CNGA4: variants seen among roughly 807,000 people sequenced by gnomAD.
The protein encoded by CNGA4 is cyclic nucleotide gated channel subunit alpha 4, also known as cyclic nucleotide-gated channel alpha-4.
Under a neutral mutation model 45.6 loss-of-function variants are expected in CNGA4, and 32 were observed. The ratio of observed to expected loss-of-function variants is 0.70; its 90% CI spans 0.53 to 0.94. The LOEUF is 0.94. CNGA4 is among the 40% of genes least tolerant of loss of function. CNGA4 has a pLI of 0.00. For synonymous variants in CNGA4, 293 were observed against 304.6 expected (o/e 0.96, Z 0.40); for missense variants, 726 against 755.1 (o/e 0.96, Z 0.45).
In CNGA4 at chr11:6,240,705, T is replaced by G; in HGVS notation, c.911T>G (p.Ile304Ser). 1.2e-6 allele frequency: 2 copies of G among 1,611,804 alleles called. No homozygotes were observed. The highest frequency in any genetic ancestry group is 1.7e-6 in the Non-Finnish European group (2 of 1,178,322). ...HVNRKLERRV[I>S]DWYQHLQINK... The stretch of plus-strand genomic sequence containing the variant: ...AACCGCAAGCTGGAGCGGCGAGTTA[T>G]TGACTGGTGAGAAGGCGGGGTTCCA... Residue 304 changes from isoleucine (I) to serine (S), a missense_variant, in exon 4 of 6, where the codon ATT (isoleucine) becomes AGT (serine). Physicochemically the swap from Ile to Ser is moderately radical, Grantham distance 142. Coordinates refer to ENST00000379936, the MANE Select transcript of CNGA4 (RefSeq NM_001037329.4). This position sits in a 1 kb window ranked among gnomAD's most constrained non-coding sequence, Gnocchi z 4.9.
In CNGA4 at chr11:6,240,023, T is replaced by C. The variant is rs771106065; in HGVS notation, c.272-43T>C. ...TGGGCAGCTCATGCTCAGCCCAAGC[T>C]TGACTACAGCAGGTCCGCTTCCTAC... On this transcript the variant is annotated intron_variant, in intron 3 of 5. Transcript: ENST00000379936. This position sits in a 1 kb window ranked among gnomAD's most constrained non-coding sequence, Gnocchi z 4.9. The C allele has an allele frequency of 3.2e-6, 5 of 1,568,294 alleles. No individual in the cohort carries two copies. In the East Asian group the frequency reaches 9.0e-5, roughly 28 times the overall value.
At position 6,240,809 on chromosome 11, in the gene CNGA4, G is replaced by C; in HGVS notation, c.917+98G>C. The C allele has an allele frequency of 7.0e-7, 1 of 1,435,506 alleles. No homozygotes were observed. Among genetic ancestry groups the C allele is most frequent in the East Asian group, 2.3e-5 (1 of 43,560 alleles). The allele number at this position is 1,435,506 out of a possible 1,614,324, so 88.9% of individuals were successfully genotyped here. On this transcript the variant is annotated intron_variant, in intron 4 of 5. Coordinates refer to ENST00000379936, the MANE Select transcript of CNGA4 (RefSeq NM_001037329.4). This position sits in a 1 kb window ranked among gnomAD's most constrained non-coding sequence, Gnocchi z 4.9. ...CTTAGTGCCTGGTGAGCCAGGCAAG[G>C]CTGTCAAAATGTAGCATTCAGCCGT...
At chr11:6,244,585 TACAC>T (rs59621297), downstream of CNGA4, among the ~76,000 whole-genome samples, 36,758 of 141,274 alleles carry the variant, frequency 0.26, 4,836 homozygotes, top group African/African-American at 0.34. The surrounding 1 kb of genome is among the most constrained non-coding windows in gnomAD (Gnocchi z 4.5). Flanking sequence ...CACTTACCAG[TACAC>T]ACACACACAC....
chr11:6,235,066 G>A (rs923729120), upstream of CNGA4, among the ~76,000 whole-genome samples: 23 of 152,336 alleles, frequency 1.5e-4, no homozygotes, highest in African/African-American at 4.3e-4. Context: ...AGAAAGACGA[G>A]CGAGAAAGGG....
upstream of CNGA4, among the ~76,000 whole-genome samples, chr11:6,235,795 T>C (rs1279294034): frequency 5.3e-5 from 8 of 151,854 alleles, no homozygotes; most frequent in South Asian, 2.1e-4. Flanking sequence ...AAAAATTAAC[T>C]GGGCGTAGTG....
upstream of CNGA4, among the ~76,000 whole-genome samples, chr11:6,238,502 T>C (rs905857532): frequency 2.6e-5 from 4 of 152,164 alleles, no homozygotes; most frequent in Non-Finnish European, 5.9e-5. Flanking sequence ...TTGGGGACCA[T>C]AAAACACATG....
At position 6,241,533 on chromosome 11, in the gene CNGA4, G is replaced by T. The variant is rs1231465868; in HGVS notation, c.1020G>T (p.Leu340=). Residue 340 remains leucine, a synonymous_variant, in exon 5 of 6, where the codon CTG becomes CTT. Transcript: ENST00000379936. ...CAGAAGTGGCTGTGTCTGTGCACCT[G>T]TCCACTCTGAGCCGGGTGCAGATCT... ...LRAEVAVSVH[L]STLSRVQIFQ... 2 of 1,614,208 alleles carry T rather than the reference G, an allele frequency of 1.2e-6. No individual in the cohort carries two copies. The highest frequency in any genetic ancestry group is 1.7e-6 in the Non-Finnish European group (2 of 1,180,034).
chr11:6,234,937 G>C (rs1847806726), upstream of CNGA4: 1 of 153,350 alleles, frequency 6.5e-6, no homozygotes, highest in African/African-American at 2.4e-5. Context: ...CGGCAGGGCG[G>C]AGGCGGAGCC....
At chr11:6,238,635 TAGATA>T (rs1332048460), upstream of CNGA4, among the ~76,000 whole-genome samples, 1 of 151,974 alleles carries the variant, frequency 6.6e-6, no homozygotes, top group Non-Finnish European at 1.5e-5. Flanking sequence ...TATGTGGAGG[TAGATA>T]AGGGTAGGAA....
chr11:6,241,689 A>C lies in CNGA4; in HGVS notation c.1176A>C (p.Gln392His). The change falls in exon 5 of 6, where the codon CAA (glutamine) becomes CAC (histidine). Residue 392 changes from glutamine (Q) to histidine (H), a missense_variant. Coordinates refer to ENST00000379936, the MANE Select transcript of CNGA4 (RefSeq NM_001037329.4). Reference protein sequence around the residue: ...GQEMYIIREGQLAVVADDGIT... With the variant: ...GQEMYIIREGHLAVVADDGIT... The stretch of plus-strand genomic sequence containing the variant: ...AGATGTACATCATCCGAGAGGGTCA[A>C]CTGGCCGTGGTGGCAGATGATGGTA... 1 of 1,614,234 alleles carries C rather than the reference A, an allele frequency of 6.2e-7. No individual in the cohort carries two copies. The highest frequency in any genetic ancestry group is 8.5e-7 in the Non-Finnish European group (1 of 1,180,046).
chr11:6,241,772 A>T lies in CNGA4; in HGVS notation c.1259A>T (p.Asn420Ile), dbSNP rs1187219930. The change falls in exon 5 of 6, where the codon AAC (asparagine) becomes ATC (isoleucine). Residue 420 changes from asparagine to isoleucine, a missense_variant. Transcript: ENST00000379936. Reference protein sequence around the residue: ...GLYFGEISIINIKGNMSGNRR... With the variant: ...GLYFGEISIIIIKGNMSGNRR... Reference sequence around the variant, plus strand: ...TACTTTGGGGAGATCAGCATCATCAACATCAAAGGTGGGTATCCCAGTATT... The same window carrying T: ...TACTTTGGGGAGATCAGCATCATCATCATCAAAGGTGGGTATCCCAGTATT... The T allele has an allele frequency of 6.2e-7, 1 of 1,613,868 alleles. No homozygotes were observed. The highest frequency in any genetic ancestry group is 1.3e-5 in the African/African-American group (1 of 74,928).
Position 6,241,542 on chromosome 11 carries a change from G to A in CNGA4, c.1029G>A (p.Leu343=), listed in dbSNP as rs1847918535. The A allele has an allele frequency of 1.2e-6, 2 of 1,614,102 alleles. No individual in the cohort carries two copies. Among genetic ancestry groups the A allele is most frequent in the African/African-American group, 2.7e-5 (2 of 74,932 alleles). The change falls in exon 5 of 6, where the codon CTG becomes CTA. Residue 343 remains leucine (L), a synonymous_variant. Transcript: ENST00000379936. ...EVAVSVHLST[L]SRVQIFQNCE... ...CTGTGTCTGTGCACCTGTCCACTCT[G>A]AGCCGGGTGCAGATCTTTCAGAACT...
intron 3 of CNGA4, 137 bp downstream of exon 3, chr11:6,239,927 AC>A (rs1195544797): frequency 7.4e-7 from 1 of 1,358,744 alleles, no homozygotes; most frequent in African/African-American, 1.4e-5. Flanking sequence ...CCCAGTGCTC[AC>A]CCCGGAAAGC....
chr11:6,239,138 A>C lies in CNGA4; in HGVS notation c.-69A>C. ...TTCAGGCAGTCAGGCACTAGTGCCC[A>C]ACTCCAGAAGTCCCCTACAGGCAGA... On this transcript the variant is annotated 5_prime_UTR_variant, in exon 1 of 6. Coordinates refer to ENST00000379936, the MANE Select transcript of CNGA4 (RefSeq NM_001037329.4). 6.2e-7 allele frequency: 1 copy of C among 1,610,598 alleles called. No homozygotes were observed. The highest frequency in any genetic ancestry group is 2.2e-4 in the Middle Eastern group (1 of 4,462).
upstream of CNGA4, chr11:6,235,365 C>G (rs926413223): frequency 5.7e-6 from 3 of 523,062 alleles, no homozygotes; most frequent in East Asian, 4.4e-4. Context: ...GAATAAGTGC[C>G]TGCATGCCCA....
upstream of CNGA4, among the ~76,000 whole-genome samples, chr11:6,235,695 C>CT (rs1280835388): frequency 6.6e-6 from 1 of 152,138 alleles, no homozygotes; most frequent in Non-Finnish European, 1.5e-5. Context: ...AATCCCAGCA[C>CT]TTTGAGAGGC....
rs754953959 is a variant in CNGA4 at position 6,241,588 on chromosome 11, G to A, written c.1075G>A (p.Glu359Lys). Residue 359 changes from glutamate (E) to lysine (K), a missense_variant, in exon 5 of 6, where the codon GAG becomes AAG. Glu to Lys is a moderately conservative substitution (Grantham distance 56). Coordinates refer to ENST00000379936, the MANE Select transcript of CNGA4 (RefSeq NM_001037329.4). ...FQNCEASLLE[E>K]LVLKLQPQTY... is the part of the protein sequence containing the mutation. ...GAACTGTGAGGCCAGCCTGCTGGAG[G>A]AGCTGGTGCTGAAGCTGCAGCCCCA... 1 of 1,614,234 alleles carries A rather than the reference G, an allele frequency of 6.2e-7. No homozygotes were observed. Among genetic ancestry groups the A allele is most frequent in the Non-Finnish European group, 8.5e-7 (1 of 1,180,044 alleles).
chr11:6,243,962 G>A lies in CNGA4; in HGVS notation c.1281G>A (p.Gly427=). 1.9e-6 allele frequency: 3 copies of A among 1,613,176 alleles called. No homozygotes were observed. Among genetic ancestry groups the A allele is most frequent in the South Asian group, 2.2e-5 (2 of 91,052 alleles). Residue 427 remains glycine, a synonymous_variant, in exon 6 of 6, where the codon GGG becomes GGA. Coordinates refer to ENST00000379936, the MANE Select transcript of CNGA4 (RefSeq NM_001037329.4). ...CATGAGCCACAGGGAACATGTCTGG[G>A]AACCGCCGCACAGCCAACATCAAGA... ...SIINIKGNMS[G]NRRTANIKSL... is the part of the protein sequence containing the mutation.
upstream of CNGA4, chr11:6,235,660 G>T (rs1847822882): frequency 1.6e-6 from 1 of 637,332 alleles, no homozygotes; most frequent in Admixed American, 6.3e-5. Flanking sequence ...TACTTTACCG[G>T]CTGGGCGCGG....
Sources: allele counts gnomAD v4.1 joint callset (sites outside exome capture counted in the v4.1 genomes callset), GRCh38; gene constraint gnomAD v4.1.1; non-coding constraint Gnocchi (gnomAD v3.1); transcripts MANE v1.5; gene names NCBI Gene and HGNC (gene_info 2026-07-23, HGNC 2026-07-21).